ADGRL2: variants seen among roughly 807,000 people sequenced by gnomAD.
ADGRL2 encodes the protein adhesion G protein-coupled receptor L2.
ADGRL2 carries 44 observed loss-of-function variants against 157.4 expected under a neutral mutation model. That is an observed-to-expected ratio of 0.28 (90% CI 0.22 to 0.36). The LOEUF (loss-of-function observed/expected upper bound fraction) is 0.36, where lower values mean the gene tolerates loss of function less well. Among genes scored for constraint, ADGRL2 ranks in the 10% least tolerant of loss-of-function variants. The pLI, the probability that ADGRL2 is intolerant of heterozygous loss-of-function variation, is 1.00. For missense variants in ADGRL2, 1,510 were observed against 1,768.9 expected (o/e 0.85, Z 2.63); for synonymous variants, 585 against 624.7 (o/e 0.94, Z 0.95).
At chr1:81,307,713 A>G (rs1350075144) in intron 1 of ADGRL2, among the ~76,000 whole-genome samples, 1 of 152,176 alleles carries the variant, frequency 6.6e-6, no homozygotes, top group East Asian at 1.9e-4. Flanking sequence ...GATGACATAA[A>G]TCTTACATTT....
At chr1:81,974,878 G>A (rs990588811) in intron 17 of ADGRL2, among the ~76,000 whole-genome samples, 3 of 151,820 alleles carry the variant, frequency 2.0e-5, no homozygotes, top group South Asian at 2.1e-4. Context: ...AAATTATATT[G>A]GTGGGTTATT....
intron 1 of ADGRL2, among the ~76,000 whole-genome samples, chr1:81,398,409 G>A (rs1286574524): frequency 6.6e-6 from 1 of 152,036 alleles, no homozygotes; most frequent in Admixed American, 6.6e-5. Flanking sequence ...AATCATTGCA[G>A]TTTGGTGGTT....
At chr1:81,495,495 A>G (rs1435026901) in intron 2 of ADGRL2, among the ~76,000 whole-genome samples, 1 of 152,178 alleles carries the variant, frequency 6.6e-6, no homozygotes, top group Admixed American at 6.5e-5. Flanking sequence ...AAATCCAAAG[A>G]CTTATTAAAA....
intron 1 of ADGRL2, among the ~76,000 whole-genome samples, chr1:81,737,417 T>G (rs902868440): frequency 2.0e-5 from 3 of 152,110 alleles, no homozygotes; most frequent in African/African-American, 7.2e-5. Context: ...CAACCAGATC[T>G]TGTGAGAACT....
At chr1:81,552,040 T>G (rs2080159707) in intron 2 of ADGRL2, among the ~76,000 whole-genome samples, 1 of 152,174 alleles carries the variant, frequency 6.6e-6, no homozygotes, top group Non-Finnish European at 1.5e-5. Context: ...CTGCCTTTAT[T>G]TGGCCTGGGA....
At chr1:81,476,999 T>C (rs2078285801) in intron 2 of ADGRL2, among the ~76,000 whole-genome samples, 1 of 152,194 alleles carries the variant, frequency 6.6e-6, no homozygotes, top group Non-Finnish European at 1.5e-5. Flanking sequence ...TCCATGGATG[T>C]CCCACACATA....
In ADGRL2 at chr1:81,886,093, T is replaced by G. The variant is rs191794395; in HGVS notation, c.74-20924T>G. Among the ~76,000 whole-genome samples, 58 of 152,358 alleles carry G rather than the reference T, an allele frequency of 3.8e-4. 1 individual carries two copies. The highest frequency in any genetic ancestry group is 1.3e-3 in the African/African-American group (56 of 41,584). On this transcript the variant is annotated intron_variant, in intron 2 of 23. Coordinates refer to ENST00000686636, the MANE Select transcript of ADGRL2 (RefSeq NM_001366006.2). ...TTTTATCTTTTTTGTTGAAAGCAGC[T>G]TTAAATAATTTATACCTGATTTGTA...
intron 2 of ADGRL2, among the ~76,000 whole-genome samples, chr1:81,769,623 T>C (rs2086272059): frequency 6.6e-6 from 1 of 151,846 alleles, no homozygotes; most frequent in Non-Finnish European, 1.5e-5. Flanking sequence ...ATAAGTTCTC[T>C]CTTGCTCTTC....
chr1:81,985,526 G>GC, intron 21 of ADGRL2, 171 bp downstream of exon 21: 2 of 431,756 alleles, frequency 4.6e-6, no homozygotes, highest in South Asian at 4.7e-5. Flanking sequence ...TTATCCTAGG[G>GC]AGTACAGATT....
At chr1:81,891,696 G>A (rs1005022099) in intron 2 of ADGRL2, among the ~76,000 whole-genome samples, 2 of 151,668 alleles carry the variant, frequency 1.3e-5, no homozygotes, top group South Asian at 2.1e-4. Flanking sequence ...TGAGTTACTC[G>A]TTTAGACAGC....
intron 11 of ADGRL2, among the ~76,000 whole-genome samples, chr1:81,964,307 GT>G (rs1473182226): frequency 1.3e-5 from 2 of 152,004 alleles, no homozygotes; most frequent in African/African-American, 4.8e-5. Context: ...ATCCTGTCTT[GT>G]TTTAAGATAT....
intron 2 of ADGRL2, among the ~76,000 whole-genome samples, chr1:81,571,694 C>T (rs2080696865): frequency 6.6e-6 from 1 of 151,990 alleles, no homozygotes; most frequent in South Asian, 2.1e-4. Flanking sequence ...CAAATCATCA[C>T]TCTAAAAATA....
At chr1:81,926,840 A>G (rs942099656) in intron 3 of ADGRL2, among the ~76,000 whole-genome samples, 1 of 152,008 alleles carries the variant, frequency 6.6e-6, no homozygotes, top group African/African-American at 2.4e-5. Flanking sequence ...CAAACAACAG[A>G]TTTTGTACTG....
intron 3 of ADGRL2, among the ~76,000 whole-genome samples, chr1:81,612,361 G>A (rs2081559451): frequency 6.6e-6 from 1 of 152,126 alleles, no homozygotes. Context: ...TCAGGGCCTG[G>A]ATCTTGCTAA....
At chr1:81,868,635 C>T (rs781267623) in intron 2 of ADGRL2, among the ~76,000 whole-genome samples, 23 of 151,988 alleles carry the variant, frequency 1.5e-4, no homozygotes, top group Non-Finnish European at 3.1e-4. Context: ...TTTTTTAGAA[C>T]GACATGTAAT....
At chr1:81,385,418 T>A (rs2076418246) in intron 1 of ADGRL2, among the ~76,000 whole-genome samples, 1 of 152,064 alleles carries the variant, frequency 6.6e-6, no homozygotes, top group Non-Finnish European at 1.5e-5. Context: ...AATGTGAAAA[T>A]TTGTGAAAAT....
At chr1:81,529,531 A>G (rs1470167058) in intron 2 of ADGRL2, among the ~76,000 whole-genome samples, 4 of 152,252 alleles carry the variant, frequency 2.6e-5, no homozygotes, top group South Asian at 2.1e-4. Flanking sequence ...CTTTTGTCCA[A>G]CTATGCCAGG....
Position 81,975,133 on chromosome 1 carries a change from A to G in ADGRL2, c.3021+3215A>G, listed in dbSNP as rs114888704. ...GAGCTAAGCTAAAATCTGATTCTTG[A>G]ATGAGTTGTTTCATCCCCAGAATTA... On this transcript the variant is annotated intron_variant, in intron 17 of 23. Coordinates refer to ENST00000686636, the MANE Select transcript of ADGRL2 (RefSeq NM_001366006.2). 8.2e-4 allele frequency among the ~76,000 whole-genome samples: 125 copies of G among 152,106 alleles called. 1 individual carries two copies. Among genetic ancestry groups the G allele is most frequent in the African/African-American group, 2.9e-3 (119 of 41,496 alleles).
In ADGRL2 at chr1:81,825,824, TC is replaced by T. The variant is rs145029501; in HGVS notation, c.-100-11059del. On this transcript the variant is annotated intron_variant, in intron 1 of 23. Transcript: ENST00000686636. ...ATGTAAAATTATTTTTAGAGTTTGT[TC>T]CAGTTTTATACACATTTATGGTTTA... is the stretch of plus-strand genomic sequence containing the variant. 6.0e-3 allele frequency among the ~76,000 whole-genome samples: 915 copies of T among 152,228 alleles called. 11 individuals are homozygous for T. Among genetic ancestry groups the T allele is most frequent in the African/African-American group, 0.021 (869 of 41,528 alleles).
Sources: allele counts gnomAD v4.1 joint callset (sites outside exome capture counted in the v4.1 genomes callset), GRCh38; gene constraint gnomAD v4.1.1; transcripts MANE v1.5; gene names NCBI Gene and HGNC (gene_info 2026-07-23, HGNC 2026-07-21).